The following LRRC53 variants were observed in gnomAD, a reference collection of about 807,000 sequenced individuals.
LRRC53 encodes the protein leucine-rich repeat-containing protein 53.
LRRC53 carries 25 observed loss-of-function variants against 13.6 expected under a neutral mutation model. That is an observed-to-expected ratio of 1.83 (90% CI 1.34 to 2.56). The LOEUF (loss-of-function observed/expected upper bound fraction) is 2.56. Among genes scored for constraint, LRRC53 ranks in the 30% most tolerant of loss-of-function variants. The pLI is 0.00. For synonymous variants in LRRC53, 204 were observed against 109.8 expected (o/e 1.86, Z -5.37); for missense variants, 527 against 275.8 (o/e 1.91, Z -6.45).
chr1:74,523,800 G>C, the LRRC53 span, among the ~76,000 whole-genome samples: 9 of 152,170 alleles, frequency 5.9e-5, no homozygotes, highest in African/African-American at 2.2e-4. Flanking sequence ...TTATACTTAA[G>C]TTCTGGGATA....
chr1:74,483,710 T>C (rs1401676418), intron 1 of LRRC53, among the ~76,000 whole-genome samples: 1 of 152,170 alleles, frequency 6.6e-6, no homozygotes, highest in East Asian at 1.9e-4. Context: ...TGCAACCCAA[T>C]TGGAGACTAA....
chr1:74,519,481 T>C, the LRRC53 span, among the ~76,000 whole-genome samples: 5 of 143,272 alleles, frequency 3.5e-5, no homozygotes, highest in Non-Finnish European at 3.0e-5. Flanking sequence ...ATGGTTGAAC[T>C]AGTTTACAGT....
chr1:74,487,217 A>C (rs1668812175), intron 1 of LRRC53, among the ~76,000 whole-genome samples: 1 of 152,164 alleles, frequency 6.6e-6, no homozygotes, highest in Non-Finnish European at 1.5e-5. Context: ...TGCAAAAAAA[A>C]ATGGATGAGA....
chr1:74,479,141 C>G (rs1434198902), intron 3 of LRRC53, among the ~76,000 whole-genome samples: 1 of 152,158 alleles, frequency 6.6e-6, no homozygotes, highest in African/African-American at 2.4e-5. Flanking sequence ...TTGTTGGTCT[C>G]TGGTCTCTCT....
At chr1:74,528,796 G>A in the LRRC53 span, among the ~76,000 whole-genome samples, 4 of 152,170 alleles carry the variant, frequency 2.6e-5, no homozygotes, top group Non-Finnish European at 5.9e-5. Context: ...TTCAACTGCA[G>A]GAACACACCT....
intron 1 of LRRC53, among the ~76,000 whole-genome samples, chr1:74,503,012 T>C (rs996389225): frequency 1.3e-5 from 2 of 152,248 alleles, no homozygotes; most frequent in African/African-American, 4.8e-5. Context: ...ATAGCTCTAC[T>C]TCAGCATGAT....
chr1:74,477,240 A>G (rs10493542), intron 3 of LRRC53, among the ~76,000 whole-genome samples: 14,164 of 152,184 alleles, frequency 0.093, 1,691 homozygotes, highest in African/African-American at 0.28. Flanking sequence ...TCAAAGCTAT[A>G]TTCTGACACT....
At chr1:74,503,646 C>T (rs1408099866) in intron 1 of LRRC53, among the ~76,000 whole-genome samples, 2 of 152,076 alleles carry the variant, frequency 1.3e-5, no homozygotes, top group African/African-American at 2.4e-5. Flanking sequence ...ACTTCCTGAA[C>T]GTCAGTTATC....
intron 1 of LRRC53, among the ~76,000 whole-genome samples, chr1:74,498,731 C>A (rs1032462864): frequency 1.3e-5 from 2 of 151,958 alleles, no homozygotes; most frequent in Admixed American, 6.5e-5. Flanking sequence ...CAGTCTTCCC[C>A]CCGACTATTA....
Position 74,480,413 on chromosome 1 carries a change from T to C in LRRC53, c.644A>G (p.Gln215Arg). 1.4e-6 allele frequency: 1 copy of C among 717,584 alleles called. No homozygotes were observed. The highest frequency in any genetic ancestry group is 2.6e-6 in the Non-Finnish European group (1 of 385,100). The allele number at this position is 717,584 out of a possible 1,614,324, so 44.5% of individuals were successfully genotyped here. A position where few individuals can be genotyped will look rare whatever the true frequency, so the allele number is the denominator to read the frequency against. ...ATGGAGATCACAAGTGCAGCTCCAC[T>C]GGTTCTTATCTAAGCTCAGAAGGAT... is the stretch of plus-strand genomic sequence containing the variant. The part of the protein sequence containing the change: ...QLILLSLDKN[Q>R]WSCTCDLHPL... Residue 215 changes from glutamine (Q) to arginine (R), a missense_variant, in exon 3 of 5, where the codon CAG (glutamine) becomes CGG (arginine). Transcript: ENST00000294635.
chr1:74,470,278 G>A lies in LRRC53; in HGVS notation c.3344C>T (p.Thr1115Ile). ...LKGITKERQQ[T>I]WENGTSEKYI... Reference sequence around the variant, plus strand: ...TTTTTCACTTGTTCCATTTTCCCAAGTTTGCTGCCTTTCTTTTGTGATGCC... The same window carrying A: ...TTTTTCACTTGTTCCATTTTCCCAAATTTGCTGCCTTTCTTTTGTGATGCC... The change falls in exon 5 of 5, where the codon ACT (threonine) becomes ATT (isoleucine). Residue 1115 changes from threonine to isoleucine, a missense_variant. Physicochemically the swap from Thr to Ile is moderately conservative, Grantham distance 89. Coordinates refer to ENST00000294635, the MANE Select transcript of LRRC53 (RefSeq NM_001382280.1). 5.0e-6 allele frequency: 2 copies of A among 400,636 alleles called. No homozygotes were observed. Among genetic ancestry groups the A allele is most frequent in the Non-Finnish European group, 4.4e-6 (1 of 226,162 alleles). The allele number at this position is 400,636 out of a possible 1,614,324, so 24.8% of individuals were successfully genotyped here. A position where few individuals can be genotyped will look rare whatever the true frequency, so the allele number is the denominator to read the frequency against.
intron 1 of LRRC53, among the ~76,000 whole-genome samples, chr1:74,490,039 AT>A (rs3835393): frequency 0.51 from 57,664 of 114,016 alleles, 14,853 homozygotes; most frequent in East Asian, 0.65. Context: ...GAAAAGCAGG[AT>A]TTTTTTTTCT....
intron 1 of LRRC53, among the ~76,000 whole-genome samples, chr1:74,497,712 T>G (rs1669402045): frequency 6.6e-6 from 1 of 152,186 alleles, no homozygotes; most frequent in Admixed American, 6.5e-5. Context: ...TCTCTCCTGT[T>G]CCAGCTTCCT....
At chr1:74,513,439 T>C (rs1570726059), upstream of LRRC53, among the ~76,000 whole-genome samples, 1 of 152,362 alleles carries the variant, frequency 6.6e-6, no homozygotes, top group South Asian at 2.1e-4. Flanking sequence ...AAAAGGTTTG[T>C]GCAGAAGGCA....
chr1:74,533,677 G>C, the LRRC53 span, among the ~76,000 whole-genome samples: 10 of 151,808 alleles, frequency 6.6e-5, no homozygotes, highest in Non-Finnish European at 1.3e-4. Context: ...GTCCAACAAT[G>C]ATAGACTGGA....
At chr1:74,504,141 G>A (rs1669771631) in intron 1 of LRRC53, among the ~76,000 whole-genome samples, 1 of 152,116 alleles carries the variant, frequency 6.6e-6, no homozygotes, top group African/African-American at 2.4e-5. Context: ...GTGAAAGGAG[G>A]GCTATAAATT....
In LRRC53 at chr1:74,480,871, G is replaced by A. The variant is rs757639646; in HGVS notation, c.186C>T (p.Leu62=). The part of the protein sequence containing the change: ...NLSLLFNLAL[L]SLSRNGIEDV... Reference sequence around the variant, plus strand: ...CCTCGATACCATTTCTGCTTAGGGAGAGCAGGGCAAGATTAAACAAGAGAG... The same window carrying A: ...CCTCGATACCATTTCTGCTTAGGGAAAGCAGGGCAAGATTAAACAAGAGAG... Residue 62 remains leucine, a synonymous_variant, in exon 3 of 5, where the codon CTC becomes CTT. Transcript: ENST00000294635. 29 of 717,320 alleles carry A rather than the reference G, an allele frequency of 4.0e-5. No individual in the cohort carries two copies. Among genetic ancestry groups the A allele is most frequent in the Non-Finnish European group, 1.8e-5 (7 of 385,098 alleles). The allele number at this position is 717,320 out of a possible 1,614,324, so 44.4% of individuals were successfully genotyped here. A position where few individuals can be genotyped will look rare whatever the true frequency, so the allele number is the denominator to read the frequency against.
intron 1 of LRRC53, among the ~76,000 whole-genome samples, chr1:74,485,959 C>T (rs1459928645): frequency 2.0e-5 from 3 of 152,116 alleles, no homozygotes; most frequent in African/African-American, 7.2e-5. Flanking sequence ...TGATTTCAGC[C>T]TAGTGAAACT....
rs1476061755 is a variant in LRRC53, at chr1:74,483,387, G to C, written c.-26-12C>G. The C allele has an allele frequency of 2.8e-6, 2 of 716,926 alleles. No individual in the cohort carries two copies. Among genetic ancestry groups the C allele is most frequent in the Admixed American group, 4.0e-5 (2 of 49,998 alleles). The allele number at this position is 716,926 out of a possible 1,614,324, so 44.4% of individuals were successfully genotyped here. On this transcript the variant is annotated splice_polypyrimidine_tract_variant and intron_variant, in intron 1 of 4. Transcript: ENST00000294635. Reference sequence around the variant, plus strand: ...TACCAGCCATCCACCTGAAAGGAAAGTAGAGGGCAATGTATATCATAATGT... The same window carrying C: ...TACCAGCCATCCACCTGAAAGGAAACTAGAGGGCAATGTATATCATAATGT...
Sources: gnomAD v4.1 joint callset for allele counts (sites outside exome capture counted in the v4.1 genomes callset) on GRCh38, gnomAD v4.1.1 for gene constraint, MANE v1.5 for transcripts, NCBI Gene and HGNC (gene_info 2026-07-23, HGNC 2026-07-21) for gene names.